The following PTPRK variants were observed in gnomAD, a reference collection of about 807,000 sequenced individuals.
PTPRK encodes the protein receptor-type tyrosine-protein phosphatase kappa.
In PTPRK, 75 loss-of-function variants were observed where a neutral mutation model predicts 178.0. That is an observed-to-expected ratio of 0.42 (90% CI 0.35 to 0.51). PTPRK has a LOEUF of 0.51. Among genes scored for constraint, PTPRK ranks in the 20% least tolerant of loss-of-function variants. The pLI, the probability that PTPRK is intolerant of heterozygous loss-of-function variation, is 0.02. For synonymous variants in PTPRK, 637 were observed against 620.6 expected (o/e 1.03, Z -0.39); for missense variants, 1,441 against 1,797.8 (o/e 0.80, Z 3.59).
At chr6:128,390,228 T>C (rs563900928) in intron 2 of PTPRK, among the ~76,000 whole-genome samples, 4 of 152,308 alleles carry the variant, frequency 2.6e-5, no homozygotes, top group Non-Finnish European at 4.4e-5. Context: ...TCTTTTACCA[T>C]ACATGCTCTA....
chr6:128,146,767 C>T (rs191976500), intron 7 of PTPRK, among the ~76,000 whole-genome samples: 1 of 152,090 alleles, frequency 6.6e-6, no homozygotes, highest in Admixed American at 6.6e-5. Flanking sequence ...TATATACATA[C>T]CAATTTGGCA....
intron 2 of PTPRK, among the ~76,000 whole-genome samples, chr6:128,395,063 T>G (rs1019913640): frequency 2.0e-5 from 3 of 152,172 alleles, no homozygotes; most frequent in Non-Finnish European, 4.4e-5. Flanking sequence ...CTAATTTATG[T>G]GACAATAAAA....
At chr6:128,310,251 T>C (rs924510844) in intron 3 of PTPRK, among the ~76,000 whole-genome samples, 1 of 152,190 alleles carries the variant, frequency 6.6e-6, no homozygotes, top group Admixed American at 6.5e-5. Flanking sequence ...TTAGGATTTA[T>C]TGGCTGAGGT....
At chr6:128,182,857 T>C (rs1802149657) in intron 7 of PTPRK, among the ~76,000 whole-genome samples, 1 of 152,142 alleles carries the variant, frequency 6.6e-6, no homozygotes, top group Non-Finnish European at 1.5e-5. Flanking sequence ...AATTACATTA[T>C]ATTAACAATA....
rs190485810 is a variant in PTPRK at position 128,387,263 on chromosome 6, G to A, written c.223+10303C>T. ...TTCGCTAATTATTTAAAAGTATGTCGCTTCATCTGAGTCACTAATTACCAC... is the reference window on the plus strand; with the variant it reads ...TTCGCTAATTATTTAAAAGTATGTCACTTCATCTGAGTCACTAATTACCAC... On this transcript the variant is annotated intron_variant, in intron 2 of 29. Coordinates refer to ENST00000368226, the MANE Select transcript of PTPRK (RefSeq NM_002844.4). 9.1e-3 allele frequency among the ~76,000 whole-genome samples: 1,380 copies of A among 152,162 alleles called. 24 individuals carry two copies. The highest frequency in any genetic ancestry group is 0.031 in the African/African-American group (1,298 of 41,510).
intron 7 of PTPRK, among the ~76,000 whole-genome samples, chr6:128,108,793 T>C (rs1009718960): frequency 2.0e-5 from 3 of 152,098 alleles, no homozygotes; most frequent in African/African-American, 2.4e-5. Context: ...ATTGGGGTGA[T>C]AGCAAGGGCA....
At chr6:128,449,123 G>A (rs1203634736) in intron 1 of PTPRK, among the ~76,000 whole-genome samples, 1 of 152,054 alleles carries the variant, frequency 6.6e-6, no homozygotes, top group African/African-American at 2.4e-5. Flanking sequence ...GCCTCCCAAA[G>A]TGCTGGGATT....
At chr6:128,145,276 GTAA>G (rs144319768) in intron 7 of PTPRK, among the ~76,000 whole-genome samples, 5 of 151,310 alleles carry the variant, frequency 3.3e-5, no homozygotes, top group African/African-American at 7.3e-5. Flanking sequence ...AGACACACAC[GTAA>G]TAATAATAAT....
chr6:128,011,300 C>T (rs1402325901), intron 13 of PTPRK, among the ~76,000 whole-genome samples: 3 of 151,144 alleles, frequency 2.0e-5, no homozygotes, highest in Non-Finnish European at 4.5e-5. Flanking sequence ...ACTTGGCTTT[C>T]AGGGGCTAAT....
intron 1 of PTPRK, among the ~76,000 whole-genome samples, chr6:128,493,591 T>TACACACACACACACAC (rs59656384): frequency 7.3e-5 from 9 of 124,028 alleles, no homozygotes; most frequent in African/African-American, 2.5e-4. Flanking sequence ...TCCCGCCCCC[T>TACACACACACACACAC]ACACACACAC....
chr6:128,094,293 G>C (rs1787537717), intron 7 of PTPRK, among the ~76,000 whole-genome samples: 1 of 152,170 alleles, frequency 6.6e-6, no homozygotes, highest in Non-Finnish European at 1.5e-5. Flanking sequence ...TTTGGAGGCT[G>C]TGTCAATTGT....
At chr6:128,387,928 C>T (rs918535774) in intron 2 of PTPRK, among the ~76,000 whole-genome samples, 1 of 151,392 alleles carries the variant, frequency 6.6e-6, no homozygotes, top group Non-Finnish European at 1.5e-5. Flanking sequence ...TACACTAACA[C>T]TAACGACAGC....
At chr6:128,099,212 C>A (rs1788402210) in intron 7 of PTPRK, among the ~76,000 whole-genome samples, 1 of 149,162 alleles carries the variant, frequency 6.7e-6, no homozygotes, top group Admixed American at 6.7e-5. Context: ...TCTTTTTTAT[C>A]CAAATCCCTC....
chr6:128,332,529 T>C (rs1327003204), intron 2 of PTPRK, among the ~76,000 whole-genome samples: 1 of 152,252 alleles, frequency 6.6e-6, no homozygotes, highest in Non-Finnish European at 1.5e-5. Flanking sequence ...GGGTCTTCAA[T>C]ACTTGTTCCT....
At chr6:128,234,451 C>G (rs963381418) in intron 5 of PTPRK, among the ~76,000 whole-genome samples, 3 of 152,172 alleles carry the variant, frequency 2.0e-5, no homozygotes, top group African/African-American at 7.2e-5. Context: ...TAACATTACC[C>G]TAGAGAATTT....
intron 13 of PTPRK, among the ~76,000 whole-genome samples, chr6:128,042,966 T>C (rs1777447190): frequency 2.0e-5 from 3 of 152,046 alleles, no homozygotes; most frequent in Admixed American, 2.0e-4. Flanking sequence ...ACATGGGCAG[T>C]AGTTATTTCC....
At chr6:128,434,899 G>A (rs1004679823) in intron 1 of PTPRK, among the ~76,000 whole-genome samples, 2 of 152,036 alleles carry the variant, frequency 1.3e-5, no homozygotes, top group African/African-American at 2.4e-5. Flanking sequence ...TGGTACACAC[G>A]TGTAGTCCCC....
chr6:128,346,222 G>A (rs1029623541), intron 2 of PTPRK, among the ~76,000 whole-genome samples: 5 of 152,056 alleles, frequency 3.3e-5, no homozygotes, highest in African/African-American at 1.2e-4. Flanking sequence ...TCATTTGATT[G>A]TGCCATATAT....
Position 128,005,121 on chromosome 6 carries a change from G to A in PTPRK, c.2457C>T (p.Ser819=). 6.2e-7 allele frequency: 1 copy of A among 1,610,272 alleles called. No individual in the cohort carries two copies. Among genetic ancestry groups the A allele is most frequent in the Middle Eastern group, 1.7e-4 (1 of 6,038 alleles). Residue 819 remains serine, a synonymous_variant, in exon 15 of 30, where the codon TCC becomes TCT. Transcript: ENST00000368226. ...AGTTATGTTGGTCCATGAAGGTGAT[G>A]GAAAGAGGATCTTCTGCATGCAGAG... The part of the protein sequence containing the change: ...QSTLHAEDPL[S]ITFMDQHNFS...
Sources: gnomAD v4.1 joint callset for allele counts (sites outside exome capture counted in the v4.1 genomes callset) on GRCh38, gnomAD v4.1.1 for gene constraint, MANE v1.5 for transcripts, NCBI Gene and HGNC (gene_info 2026-07-23, HGNC 2026-07-21) for gene names.